DDHD1: variants seen among roughly 807,000 people sequenced by gnomAD.
The protein encoded by DDHD1 is DDHD domain containing 1, also known as phospholipase DDHD1.
A neutral mutation model predicts 96.4 loss-of-function variants in DDHD1; 49 were observed. The ratio of observed to expected loss-of-function variants is 0.51; its 90% CI spans 0.40 to 0.64. The LOEUF (loss-of-function observed/expected upper bound fraction) is 0.64. DDHD1 is among the 30% of genes least tolerant of loss of function. DDHD1 has a pLI of 0.00. For synonymous variants in DDHD1, 442 were observed against 446.5 expected (o/e 0.99, Z 0.13); for missense variants, 1,106 against 1,161.2 (o/e 0.95, Z 0.69).
At chr14:53,135,530 T>G (rs1158042364) in intron 1 of DDHD1, among the ~76,000 whole-genome samples, 1 of 152,228 alleles carries the variant, frequency 6.6e-6, no homozygotes, top group Non-Finnish European at 1.5e-5. Context: ...TGGCAGACTC[T>G]CTTCACATGG....
chr14:53,058,484 T>A lies in DDHD1; in HGVS notation c.1985A>T (p.Asp662Val). ...GTCTATATTGCAACTCACCACTGGA[T>A]CTGTAGGATGAAAAATATTTAGTAA... ...NRLLNIFHPT[D>V]PVAYRLEPLI... The change falls in exon 9 of 13, where the codon GAT becomes GTT. Residue 662 changes from aspartate (D) to valine (V), a missense_variant. Around this residue, in one of 2 missense-constraint regions of DDHD1, gnomAD observed 650 missense variants for 758.8 expected, o/e 0.86. Coordinates refer to ENST00000673822, the MANE Select transcript of DDHD1 (RefSeq NM_001160148.2). The A allele has an allele frequency of 1.9e-6, 3 of 1,610,552 alleles. No individual in the cohort carries two copies. The highest frequency in any genetic ancestry group is 2.2e-5 in the South Asian group (2 of 89,824).
intron 7 of DDHD1, among the ~76,000 whole-genome samples, chr14:53,062,417 C>A: frequency 6.6e-6 from 1 of 151,074 alleles, no homozygotes; most frequent in South Asian, 2.1e-4. Flanking sequence ...AGGAATGCAG[C>A]AAAGAATTAA....
chr14:53,071,488 T>A (rs959648459), intron 6 of DDHD1, among the ~76,000 whole-genome samples: 3 of 152,112 alleles, frequency 2.0e-5, no homozygotes, highest in Non-Finnish European at 2.9e-5. Flanking sequence ...TTGTACAAGA[T>A]CCTTGTACAG....
intron 4 of DDHD1, among the ~76,000 whole-genome samples, chr14:53,087,262 G>C (rs1273496920): frequency 1.3e-5 from 2 of 151,846 alleles, no homozygotes; most frequent in African/African-American, 2.4e-5. Flanking sequence ...CGAGATAGAA[G>C]GTTAACAAGG....
chr14:53,145,830 G>A (rs927577893), intron 1 of DDHD1, among the ~76,000 whole-genome samples: 1 of 152,164 alleles, frequency 6.6e-6, no homozygotes, highest in Non-Finnish European at 1.5e-5. Flanking sequence ...ACCCCCAGCA[G>A]TCATTGAAGA....
chr14:53,059,863 CAAAAAAAAAAAAA>C (rs60708379), intron 8 of DDHD1, among the ~76,000 whole-genome samples: 3 of 18,508 alleles, frequency 1.6e-4, no homozygotes, highest in African/African-American at 3.0e-4. Context: ...GACTCTGTCT[CAAAAAAAAAAAAA>C]AAAAAAAAAA....
At chr14:53,133,812 T>C (rs1217367217) in intron 1 of DDHD1, among the ~76,000 whole-genome samples, 1 of 152,150 alleles carries the variant, frequency 6.6e-6, no homozygotes, top group Non-Finnish European at 1.5e-5. Context: ...TTCCCAGTCA[T>C]ATGAAGACAC....
chr14:53,063,879 T>C (rs998218224), intron 6 of DDHD1, among the ~76,000 whole-genome samples: 1 of 152,126 alleles, frequency 6.6e-6, no homozygotes, highest in African/African-American at 2.4e-5. Flanking sequence ...TTTTTCTTTG[T>C]AAAAGTGCTT....
intron 4 of DDHD1, among the ~76,000 whole-genome samples, chr14:53,078,084 T>C (rs545587636): frequency 1.3e-5 from 2 of 152,328 alleles, no homozygotes; most frequent in South Asian, 2.1e-4. Flanking sequence ...AATGCTTCTA[T>C]GAACATTCTT....
chr14:53,110,537 C>T (rs1034569711), intron 1 of DDHD1, among the ~76,000 whole-genome samples: 2 of 152,216 alleles, frequency 1.3e-5, no homozygotes, highest in African/African-American at 4.8e-5. Flanking sequence ...AGCCTTTCTT[C>T]ACCTTCTATG....
intron 1 of DDHD1, among the ~76,000 whole-genome samples, chr14:53,106,586 G>A (rs781490485): frequency 1.3e-5 from 2 of 152,160 alleles, no homozygotes; most frequent in Non-Finnish European, 2.9e-5. Flanking sequence ...GAACCTGGGA[G>A]GCGGAGGTTG....
intron 11 of DDHD1, 188 bp downstream of exon 11, chr14:53,054,249 TA>T: frequency 1.9e-6 from 1 of 539,078 alleles, no homozygotes; most frequent in Non-Finnish European, 3.2e-6. Context: ...ATGCAGAAAG[TA>T]AAACTGCATT....
intron 1 of DDHD1, among the ~76,000 whole-genome samples, chr14:53,143,961 A>T (rs144621842): frequency 1.7e-3 from 266 of 152,342 alleles, no homozygotes; most frequent in African/African-American, 6.2e-3. Flanking sequence ...GTGGCCTATC[A>T]TACTTCTTGA....
At chr14:53,055,177 A>G (rs185363288) in intron 10 of DDHD1, among the ~76,000 whole-genome samples, 47 of 152,338 alleles carry the variant, frequency 3.1e-4, no homozygotes, top group Admixed American at 7.8e-4. Flanking sequence ...CCAGTGATAC[A>G]GCAAACATTG....
chr14:53,045,996 A>C lies in DDHD1; in HGVS notation c.*772T>G, dbSNP rs1042311074. The C allele has an allele frequency of 1.3e-5, 2 of 152,242 alleles. No homozygotes were observed. The highest frequency in any genetic ancestry group is 1.3e-4 in the Admixed American group (2 of 15,290). The allele number at this position is 152,242 out of a possible 1,614,324, so 9.4% of individuals were successfully genotyped here. On this transcript the variant is annotated 3_prime_UTR_variant, in exon 13 of 13. Coordinates refer to ENST00000673822, the MANE Select transcript of DDHD1 (RefSeq NM_001160148.2). ...TCTGAAGTACATGTAACATAATAAAAAGTTTATTTAAAAAATTGAACTAGT... is the reference window on the plus strand; with the variant it reads ...TCTGAAGTACATGTAACATAATAAACAGTTTATTTAAAAAATTGAACTAGT...
rs1881588824 is a variant in DDHD1, at chr14:53,040,735, G to T, written c.*6033C>A. On this transcript the variant is annotated 3_prime_UTR_variant, in exon 13 of 13. Transcript: ENST00000673822. ...GATTCTGAGAAAACTAACCTGCTTT[G>T]GCTATTGAAAATAAGAGGTAACAAA... 6.6e-6 allele frequency: 1 copy of T among 152,094 alleles called. No individual in the cohort carries two copies. Among genetic ancestry groups the T allele is most frequent in the Non-Finnish European group, 1.5e-5 (1 of 68,032 alleles). The allele number at this position is 152,094 out of a possible 1,614,324, so 9.4% of individuals were successfully genotyped here.
intron 1 of DDHD1, among the ~76,000 whole-genome samples, chr14:53,115,771 A>G (rs1418515537): frequency 6.6e-6 from 1 of 152,234 alleles, no homozygotes; most frequent in Non-Finnish European, 1.5e-5. Flanking sequence ...CACTGCAAAA[A>G]CAAAACAAAA....
chr14:53,130,793 C>G (rs1216791489), intron 1 of DDHD1, among the ~76,000 whole-genome samples: 1 of 152,224 alleles, frequency 6.6e-6, no homozygotes, highest in East Asian at 1.9e-4. Flanking sequence ...CCGGCAGCCA[C>G]TCCCAGAGCC....
intron 7 of DDHD1, among the ~76,000 whole-genome samples, chr14:53,061,944 GA>G (rs1883596647): frequency 7.0e-6 from 1 of 142,380 alleles, no homozygotes; most frequent in African/African-American, 2.6e-5. Context: ...AGGGGCAGGA[GA>G]ATCACTTGAA....
Sources: allele counts gnomAD v4.1 joint callset (sites outside exome capture counted in the v4.1 genomes callset), GRCh38; gene constraint gnomAD v4.1.1; regional missense constraint gnomAD v4.1.1; transcripts MANE v1.5; gene names NCBI Gene and HGNC (gene_info 2026-07-23, HGNC 2026-07-21).